The following SNX29 variants were observed in gnomAD, a reference collection of about 807,000 sequenced individuals.
The protein encoded by SNX29 is sorting nexin-29.
Under a neutral mutation model 102.1 loss-of-function variants are expected in SNX29, and 78 were observed. The ratio of observed to expected loss-of-function variants is 0.76; its 90% CI spans 0.64 to 0.92. The LOEUF is 0.92. Ranked by LOEUF, SNX29 falls within the 40% of genes least tolerant of loss-of-function variation. SNX29 has a pLI of 0.00. For synonymous variants in SNX29, 580 were observed against 414.5 expected (o/e 1.40, Z -4.85); for missense variants, 1,280 against 1,061.7 (o/e 1.21, Z -2.86).
At position 12,573,458 on chromosome 16, in the gene SNX29, A is replaced by G. The variant is rs2079229368; in HGVS notation, c.*4829A>G. 1 of 223,958 alleles carries G rather than the reference A, an allele frequency of 4.5e-6. No individual in the cohort carries two copies. 13.9% of individuals were successfully genotyped at this position (223,958 alleles called of 1,614,324 possible). A position where few individuals can be genotyped will look rare whatever the true frequency, so the allele number is the denominator to read the frequency against. ...ATAAGATAGTTGAGCCTATGACATT[A>G]AGGAGCAGCGCTGCTGGCGGAAGAT... On this transcript the variant is annotated 3_prime_UTR_variant, in exon 21 of 21. Coordinates refer to ENST00000566228, the MANE Select transcript of SNX29 (RefSeq NM_032167.5).
chr16:12,572,053 G>C lies in SNX29; in HGVS notation c.*3424G>C, dbSNP rs1484008540. The C allele has an allele frequency of 9.4e-7, 1 of 1,063,390 alleles. No individual in the cohort carries two copies. The highest frequency in any genetic ancestry group is 1.1e-6 in the Non-Finnish European group (1 of 878,088). 65.9% of individuals were successfully genotyped at this position (1,063,390 alleles called of 1,614,324 possible). ...GATCATCCAGTGGAGTTGTAAACAAGGGAACCATCTTGCAAGATCTAGGAA... is the reference window on the plus strand; with the variant it reads ...GATCATCCAGTGGAGTTGTAAACAACGGAACCATCTTGCAAGATCTAGGAA... On this transcript the variant is annotated 3_prime_UTR_variant, in exon 21 of 21. Coordinates refer to ENST00000566228, the MANE Select transcript of SNX29 (RefSeq NM_032167.5).
intron 15 of SNX29, among the ~76,000 whole-genome samples, chr16:12,310,209 A>ATGCAT (rs1188728260): frequency 6.6e-6 from 1 of 152,234 alleles, no homozygotes; most frequent in Non-Finnish European, 1.5e-5. Flanking sequence ...GAGATCATAC[A>ATGCAT]TGCATTGCAT....
At chr16:12,416,742 A>G (rs1329666986) in intron 18 of SNX29, among the ~76,000 whole-genome samples, 4 of 152,072 alleles carry the variant, frequency 2.6e-5, no homozygotes, top group Non-Finnish European at 4.4e-5. Flanking sequence ...GGAGCAAGAG[A>G]GAGGAGGAGG....
chr16:12,489,645 A>G (rs1597583197), intron 19 of SNX29, among the ~76,000 whole-genome samples: 1 of 152,208 alleles, frequency 6.6e-6, no homozygotes, highest in Admixed American at 6.5e-5. Flanking sequence ...TTAGCCCTCA[A>G]ACGCCAGCAT....
intron 19 of SNX29, among the ~76,000 whole-genome samples, chr16:12,495,242 C>T (rs1340599434): frequency 6.6e-6 from 1 of 152,136 alleles, no homozygotes; most frequent in Non-Finnish European, 1.5e-5. Context: ...CCCTCTACCT[C>T]CCAGGTTCAA....
intron 20 of SNX29, among the ~76,000 whole-genome samples, chr16:12,565,657 C>G (rs1230396591): frequency 6.6e-6 from 1 of 152,246 alleles, no homozygotes; most frequent in Non-Finnish European, 1.5e-5. Flanking sequence ...CTCGTGACAG[C>G]TCAGTGCACG....
At chr16:12,567,383 G>A (rs1337635352) in intron 20 of SNX29, among the ~76,000 whole-genome samples, 1 of 152,190 alleles carries the variant, frequency 6.6e-6, no homozygotes, top group Non-Finnish European at 1.5e-5. Flanking sequence ...TTTTATCCCA[G>A]TGAGGTATTT....
At chr16:12,217,937 G>A (rs552296461) in intron 14 of SNX29, among the ~76,000 whole-genome samples, 52 of 152,248 alleles carry the variant, frequency 3.4e-4, no homozygotes, top group African/African-American at 1.2e-3. Context: ...GTATAATTTG[G>A]TTCCTCATTG....
intron 15 of SNX29, among the ~76,000 whole-genome samples, chr16:12,306,884 C>T (rs2080354844): frequency 6.6e-6 from 1 of 152,202 alleles, no homozygotes; most frequent in Non-Finnish European, 1.5e-5. Context: ...AGTGACTGTT[C>T]TTCAAGGGTT....
At chr16:12,035,886 G>C (rs1475079548) in intron 4 of SNX29, among the ~76,000 whole-genome samples, 1 of 152,076 alleles carries the variant, frequency 6.6e-6, no homozygotes, top group African/African-American at 2.4e-5. Context: ...GATAAAGCTG[G>C]CTTCATCCCG....
At chr16:12,367,765 G>C (rs750165888) in intron 16 of SNX29, among the ~76,000 whole-genome samples, 1 of 152,230 alleles carries the variant, frequency 6.6e-6, no homozygotes, top group Non-Finnish European at 1.5e-5. Context: ...CAAATTATAA[G>C]AGGCTTTTTA....
intron 15 of SNX29, among the ~76,000 whole-genome samples, chr16:12,309,669 C>T (rs1161089893): frequency 2.0e-5 from 3 of 152,170 alleles, no homozygotes; most frequent in South Asian, 2.1e-4. Flanking sequence ...CACAGTGATT[C>T]TCAGAGGGAG....
intron 14 of SNX29, among the ~76,000 whole-genome samples, chr16:12,259,732 T>C (rs937502404): frequency 2.1e-4 from 32 of 152,340 alleles, no homozygotes; most frequent in Admixed American, 1.3e-3. Context: ...CTGGCCCTCG[T>C]CTCCGATCCA....
In SNX29 at chr16:12,403,480, C is replaced by G; in HGVS notation, c.1988C>G (p.Pro663Arg). The G allele has an allele frequency of 6.2e-7, 1 of 1,609,016 alleles. No individual in the cohort carries two copies. The highest frequency in any genetic ancestry group is 8.5e-7 in the Non-Finnish European group (1 of 1,177,730). ...SNRALINVWI[P>R]SVFLRGKAAN... The stretch of plus-strand genomic sequence containing the variant: ...CGGGCGCTGATCAACGTCTGGATCC[C>G]CTCAGTGTTTCTCCGGGGCAAAGCA... Residue 663 changes from proline (P) to arginine (R), a missense_variant, in exon 18 of 21, where the codon CCC becomes CGC. By Grantham distance (103) the Pro-to-Arg change is moderately radical. Coordinates refer to ENST00000566228, the MANE Select transcript of SNX29 (RefSeq NM_032167.5).
intron 10 of SNX29, among the ~76,000 whole-genome samples, chr16:12,075,069 A>C (rs919779921): frequency 2.6e-5 from 4 of 152,048 alleles, no homozygotes; most frequent in Non-Finnish European, 4.4e-5. Context: ...CATTCGTCTA[A>C]ATTTTTTCAA....
chr16:12,025,992 T>C (rs559833704), intron 3 of SNX29, among the ~76,000 whole-genome samples: 1 of 152,262 alleles, frequency 6.6e-6, no homozygotes, highest in East Asian at 1.9e-4. Context: ...TATATTAAAG[T>C]GTTGATGAGA....
intron 14 of SNX29, among the ~76,000 whole-genome samples, chr16:12,258,600 C>T (rs2078643283): frequency 6.6e-6 from 1 of 152,128 alleles, no homozygotes; most frequent in Non-Finnish European, 1.5e-5. Context: ...TGTTCCACTC[C>T]CCACAGGTCC....
chr16:12,152,393 G>T (rs1040625289), intron 13 of SNX29, among the ~76,000 whole-genome samples: 2 of 152,188 alleles, frequency 1.3e-5, no homozygotes, highest in Non-Finnish European at 2.9e-5. Flanking sequence ...ACCTGCAGAT[G>T]GTCATTTCAA....
chr16:12,568,653 G>A lies in SNX29; in HGVS notation c.*24G>A, dbSNP rs758305919. On this transcript the variant is annotated 3_prime_UTR_variant, in exon 21 of 21. Transcript: ENST00000566228. ...GACCTCGACAAAACCGCAGCCACGG[G>A]CCCTGTGCGTGGCACCAGCTGCGTC... The A allele has an allele frequency of 6.9e-6, 11 of 1,598,804 alleles. 1 individual carries two copies. The highest frequency in any genetic ancestry group is 6.7e-5 in the Admixed American group (4 of 59,850).
Sources: allele counts gnomAD v4.1 joint callset (sites outside exome capture counted in the v4.1 genomes callset), GRCh38; gene constraint gnomAD v4.1.1; transcripts MANE v1.5; gene names NCBI Gene and HGNC (gene_info 2026-07-23, HGNC 2026-07-21).